Variants in MAPKAP1 observed in about 807,000 individuals in gnomAD.
MAPKAP1 encodes target of rapamycin complex 2 subunit MAPKAP1.
Under a neutral mutation model 65.7 loss-of-function variants are expected in MAPKAP1, and 20 were observed. The ratio of observed to expected loss-of-function variants is 0.30; its 90% confidence interval spans 0.21 to 0.44. MAPKAP1 has a LOEUF of 0.44. MAPKAP1 is among the 20% of genes least tolerant of loss of function. The pLI is 1.00. For synonymous variants in MAPKAP1, 222 were observed against 244.3 expected (o/e 0.91, Z 0.85); for missense variants, 423 against 648.0 (o/e 0.65, Z 3.77).
At chr9:125,500,312 C>T (rs9969749) in intron 8 of MAPKAP1, among the ~76,000 whole-genome samples, 8,093 of 150,996 alleles carry the variant, frequency 0.054, 566 homozygotes, top group East Asian at 0.21. Context: ...CTCAGCCTCC[C>T]GAGTAGCTGG....
chr9:125,581,342 C>G (rs2131569528), intron 5 of MAPKAP1, among the ~76,000 whole-genome samples: 2 of 152,368 alleles, frequency 1.3e-5, no homozygotes, highest in East Asian at 3.8e-4. Flanking sequence ...GATACAGTTT[C>G]TCTACATCCT....
At chr9:125,496,174 T>C (rs181227208) in intron 8 of MAPKAP1, among the ~76,000 whole-genome samples, 1 of 152,330 alleles carries the variant, frequency 6.6e-6, no homozygotes, top group East Asian at 1.9e-4. Context: ...CCTGCCTTTA[T>C]AGTGCGAACC....
intron 1 of MAPKAP1, among the ~76,000 whole-genome samples, chr9:125,686,830 G>GTT (rs199569908): frequency 2.7e-5 from 4 of 145,486 alleles, no homozygotes; most frequent in Non-Finnish European, 3.0e-5. Flanking sequence ...TTTTGTTTTG[G>GTT]TTTTTTTTTT....
intron 7 of MAPKAP1, among the ~76,000 whole-genome samples, chr9:125,519,672 A>ATATATATATATATATATATATAT: frequency 6.8e-6 from 1 of 147,338 alleles, no homozygotes; most frequent in Admixed American, 6.8e-5. Context: ...ATATATATAT[A>ATATATATATATATATATATATAT]ATTTAAAAAA....
chr9:125,564,558 C>A (rs745868779), intron 5 of MAPKAP1, among the ~76,000 whole-genome samples: 1 of 152,112 alleles, frequency 6.6e-6, no homozygotes, highest in Non-Finnish European at 1.5e-5. Context: ...AATCACTTGT[C>A]CTGGAGACCC....
At chr9:125,657,871 C>A in intron 3 of MAPKAP1, 72 bp from the exon 4 acceptor site, 1 of 1,472,808 alleles carries the variant, frequency 6.8e-7, no homozygotes, top group South Asian at 1.2e-5. Context: ...CCTAAAAAGT[C>A]TTCCTTAGAA....
At chr9:125,544,884 T>A (rs1368549780) in intron 6 of MAPKAP1, among the ~76,000 whole-genome samples, 3 of 152,200 alleles carry the variant, frequency 2.0e-5, no homozygotes, top group African/African-American at 7.2e-5. Context: ...GGTGGCTGAC[T>A]CTCCACAGGG....
At chr9:125,486,662 C>T (rs1854508669) in intron 8 of MAPKAP1, among the ~76,000 whole-genome samples, 1 of 152,154 alleles carries the variant, frequency 6.6e-6, no homozygotes, top group African/African-American at 2.4e-5. Flanking sequence ...TAATTCCCAA[C>T]CTGGACCATC....
chr9:125,693,676 T>C (rs1432639535), intron 1 of MAPKAP1, among the ~76,000 whole-genome samples: 1 of 127,568 alleles, frequency 7.8e-6, no homozygotes. Flanking sequence ...CATATACACG[T>C]ATATATACAC....
chr9:125,492,398 T>A (rs1854769490), intron 8 of MAPKAP1, among the ~76,000 whole-genome samples: 1 of 152,230 alleles, frequency 6.6e-6, no homozygotes. Flanking sequence ...TGTGTATATG[T>A]GTTATAATCT....
At chr9:125,617,296 C>T (rs1369427021) in intron 4 of MAPKAP1, among the ~76,000 whole-genome samples, 1 of 152,068 alleles carries the variant, frequency 6.6e-6, no homozygotes, top group African/African-American at 2.4e-5. Context: ...CCTGTTGCTA[C>T]AAAATTTTTT....
At chr9:125,602,509 C>A (rs1832327538) in intron 4 of MAPKAP1, among the ~76,000 whole-genome samples, 1 of 152,004 alleles carries the variant, frequency 6.6e-6, no homozygotes, top group African/African-American at 2.4e-5. Context: ...ATAATACAAA[C>A]TGTCAGACAA....
chr9:125,462,106 G>A (rs943815570), intron 10 of MAPKAP1, among the ~76,000 whole-genome samples: 18 of 152,206 alleles, frequency 1.2e-4, no homozygotes, highest in African/African-American at 3.9e-4. Context: ...GAGAGAGAGC[G>A]CATGAGCAAG....
At chr9:125,511,578 C>A (rs1829302413) in intron 7 of MAPKAP1, among the ~76,000 whole-genome samples, 1 of 152,174 alleles carries the variant, frequency 6.6e-6, no homozygotes, top group Admixed American at 6.5e-5. Flanking sequence ...AAAGTACAGT[C>A]TCCATCAAAT....
At chr9:125,462,965 A>G (rs768839848) in intron 10 of MAPKAP1, among the ~76,000 whole-genome samples, 10 of 152,202 alleles carry the variant, frequency 6.6e-5, no homozygotes, top group Non-Finnish European at 1.2e-4. Flanking sequence ...GCAGCTCTCA[A>G]CAGTAAGGCA....
chr9:125,643,198 C>T (rs1328914290), intron 4 of MAPKAP1, among the ~76,000 whole-genome samples: 1 of 150,440 alleles, frequency 6.6e-6, no homozygotes, highest in South Asian at 2.1e-4. Flanking sequence ...CCACGCCCAG[C>T]GTTTTTTTTT....
chr9:125,521,005 C>T (rs1268532123), intron 7 of MAPKAP1, among the ~76,000 whole-genome samples: 1 of 152,210 alleles, frequency 6.6e-6, no homozygotes, highest in Non-Finnish European at 1.5e-5. Context: ...CAACACATAT[C>T]CTACCAAAGT....
intron 10 of MAPKAP1, among the ~76,000 whole-genome samples, chr9:125,455,604 T>C (rs1853135065): frequency 6.6e-6 from 1 of 152,226 alleles, no homozygotes; most frequent in Admixed American, 6.5e-5. Context: ...AGTTTTTTTT[T>C]TTTCCTTTGG....
At chr9:125,610,865 T>C (rs12236593) in intron 4 of MAPKAP1, among the ~76,000 whole-genome samples, 2,989 of 152,260 alleles carry the variant, frequency 0.02, 163 homozygotes, top group East Asian at 0.15. Context: ...ACTCAAATAA[T>C]TCCAACAGAA....
Sources: allele counts gnomAD v4.1 joint callset (sites outside exome capture counted in the v4.1 genomes callset), GRCh38; gene constraint gnomAD v4.1.1; transcripts MANE v1.5; gene names NCBI Gene and HGNC (gene_info 2026-07-23, HGNC 2026-07-21).